TTC28: variants seen among roughly 807,000 people sequenced by gnomAD.
TTC28 encodes the protein tetratricopeptide repeat domain 28, also known as tetratricopeptide repeat protein 28.
In TTC28, 61 loss-of-function variants were observed where a neutral mutation model predicts 198.0. The ratio of observed to expected loss-of-function variants is 0.31; its 90% confidence interval spans 0.25 to 0.38. The LOEUF is 0.38. TTC28 is among the 10% of genes least tolerant of loss of function. The pLI, the probability that TTC28 is intolerant of heterozygous loss-of-function variation, is 1.00. For synonymous variants in TTC28, 1,171 were observed against 1,297.8 expected, an observed-to-expected ratio of 0.90 and a Z score of 2.10; for missense variants, 2,678 against 3,164.0, an observed-to-expected ratio of 0.85 and a Z score of 3.69.
At chr22:28,066,276 G>A (rs751694031) in intron 12 of TTC28, among the ~76,000 whole-genome samples, 7 of 87,902 alleles carry the variant, frequency 8.0e-5, no homozygotes, top group South Asian at 4.0e-4. Context: ...CCTAGTTACC[G>A]TGTGTGTGTG....
At chr22:28,462,611 A>C (rs1327613305) in intron 2 of TTC28, among the ~76,000 whole-genome samples, 3 of 152,216 alleles carry the variant, frequency 2.0e-5, no homozygotes, top group Non-Finnish European at 4.4e-5. Context: ...AAGAAATTTC[A>C]AGAAGTTACT....
chr22:28,641,793 T>G (rs763787620), intron 1 of TTC28, among the ~76,000 whole-genome samples: 1 of 152,090 alleles, frequency 6.6e-6, no homozygotes, highest in African/African-American at 2.4e-5. Flanking sequence ...CAGGAGGGAA[T>G]GAATAATACT....
In TTC28 at chr22:28,105,047, T is replaced by C. The variant is rs1942255056; in HGVS notation, c.3307+232A>G. Reference sequence around the variant, plus strand: ...CACTGAGAGAGTAAGACAATCTGGGTCCGAGAGAGCAGGGCAAGGTGCTAT... The same window carrying C: ...CACTGAGAGAGTAAGACAATCTGGGCCCGAGAGAGCAGGGCAAGGTGCTAT... On this transcript the variant is annotated intron_variant, in intron 8 of 22. Transcript: ENST00000397906. 2.0e-5 allele frequency among the ~76,000 whole-genome samples: 3 copies of C among 151,976 alleles called. No individual in the cohort carries two copies. The South Asian group carries it at 6.2e-4, about 32-fold the overall frequency.
At chr22:28,316,325 A>G (rs2045350766) in intron 2 of TTC28, among the ~76,000 whole-genome samples, 1 of 152,106 alleles carries the variant, frequency 6.6e-6, no homozygotes, top group South Asian at 2.1e-4. Flanking sequence ...CTCCTCTCTC[A>G]TTACATTGTG....
intron 12 of TTC28, among the ~76,000 whole-genome samples, chr22:28,060,617 T>C (rs1382331793): frequency 1.3e-5 from 2 of 152,246 alleles, no homozygotes; most frequent in Non-Finnish European, 2.9e-5. Context: ...TACCCAGTAA[T>C]GGGATGGCTG....
intron 5 of TTC28, among the ~76,000 whole-genome samples, chr22:28,180,397 T>C (rs185718028): frequency 3.3e-5 from 5 of 152,296 alleles, no homozygotes; most frequent in African/African-American, 7.2e-5. Context: ...ACAAGGATGA[T>C]GGAAAAATTT....
At chr22:28,015,106 G>A (rs919041431) in intron 13 of TTC28, among the ~76,000 whole-genome samples, 3 of 152,252 alleles carry the variant, frequency 2.0e-5, no homozygotes, top group Admixed American at 6.5e-5. Flanking sequence ...AGCATTCACT[G>A]ATTCATTCAT....
chr22:28,031,525 C>T (rs1400202512), intron 12 of TTC28, among the ~76,000 whole-genome samples: 3 of 152,138 alleles, frequency 2.0e-5, no homozygotes, highest in Non-Finnish European at 4.4e-5. Context: ...CCTCCTGTCG[C>T]TGAGAAGAAT....
chr22:28,136,892 G>A (rs540846474), intron 6 of TTC28, among the ~76,000 whole-genome samples: 3 of 152,168 alleles, frequency 2.0e-5, no homozygotes, highest in South Asian at 2.1e-4. Flanking sequence ...TGTCTTTGCC[G>A]AGGAAGCTGG....
chr22:28,425,373 C>G (rs1477362041), intron 2 of TTC28, among the ~76,000 whole-genome samples: 1 of 152,166 alleles, frequency 6.6e-6, no homozygotes, highest in East Asian at 1.9e-4. Context: ...GGCTAAATGC[C>G]TTTTACAAGT....
chr22:27,996,167 C>T lies in TTC28; in HGVS notation c.5212G>A (p.Ala1738Thr), dbSNP rs751811740. 6.4e-7 allele frequency: 1 copy of T among 1,550,946 alleles called. No homozygotes were observed. Among genetic ancestry groups the T allele is most frequent in the South Asian group, 1.2e-5 (1 of 84,068 alleles). ...LTEILQHPER[A>T]RDALRVLLHL... ...AGCAGCACTCGCAGGGCGTCCCGCG[C>T]ACGCTCCGGGTGCTGCAGGATCTCT... The change falls in exon 17 of 23, where the codon GCG becomes ACG. Residue 1738 changes from alanine (A) to threonine (T), a missense_variant. Ala to Thr is a moderately conservative substitution (Grantham distance 58, BLOSUM62 0). This residue lies in a region of TTC28 where 314 missense variants were observed against 442.7 expected (regional missense o/e 0.71). Coordinates refer to ENST00000397906, the MANE Select transcript of TTC28 (RefSeq NM_001145418.2).
intron 5 of TTC28, among the ~76,000 whole-genome samples, chr22:28,270,791 C>G (rs1932015669): frequency 6.6e-6 from 1 of 152,090 alleles, no homozygotes; most frequent in Non-Finnish European, 1.5e-5. Flanking sequence ...CCCAGCTACT[C>G]AGGAGGCTAA....
intron 2 of TTC28, among the ~76,000 whole-genome samples, chr22:28,396,958 G>C (rs560903914): frequency 6.6e-6 from 1 of 152,234 alleles, no homozygotes; most frequent in East Asian, 1.9e-4. Flanking sequence ...TTATTCCTCT[G>C]TACACAATGA....
At chr22:28,100,979 C>T (rs1942129510) in intron 9 of TTC28, among the ~76,000 whole-genome samples, 192 bp downstream of exon 9, 1 of 152,172 alleles carries the variant, frequency 6.6e-6, no homozygotes, top group African/African-American at 2.4e-5. Flanking sequence ...AGAAATCTAT[C>T]ACATGAGTGA....
intron 2 of TTC28, among the ~76,000 whole-genome samples, chr22:28,578,998 C>A (rs890513917): frequency 3.3e-5 from 5 of 151,800 alleles, no homozygotes; most frequent in Non-Finnish European, 7.4e-5. Context: ...CCTGGGCAAA[C>A]ATATATATGC....
At chr22:28,279,086 T>C (rs915082451) in intron 5 of TTC28, among the ~76,000 whole-genome samples, 2 of 152,222 alleles carry the variant, frequency 1.3e-5, no homozygotes, top group Non-Finnish European at 2.9e-5. Context: ...TCTAAAATTT[T>C]ATTGTGAAAA....
At position 27,999,109 on chromosome 22, in the gene TTC28, A is replaced by T. The variant is rs924480667; in HGVS notation, c.4550T>A (p.Leu1517Gln). The stretch of plus-strand genomic sequence containing the variant: ...GCCCACTAGGGGCTGGCAGCCCAGC[A>T]GCTCGGACACCATGTAGGCCTCTTC... ...AEEEAYMVSE[L>Q]LGCQPLVGSV... is the part of the protein sequence containing the mutation. Residue 1517 changes from leucine to glutamine, a missense_variant, in exon 16 of 23, where the codon CTG becomes CAG. By Grantham distance (113) the Leu-to-Gln change is moderately radical. Around this residue, in one of 8 missense-constraint regions of TTC28, gnomAD observed 727 missense variants for 861.9 expected, o/e 0.84. Transcript: ENST00000397906. 2 of 1,550,528 alleles carry T rather than the reference A, an allele frequency of 1.3e-6. No individual in the cohort carries two copies. The highest frequency in any genetic ancestry group is 2.7e-5 in the African/African-American group (2 of 73,078).
intron 5 of TTC28, among the ~76,000 whole-genome samples, chr22:28,172,612 T>C (rs1922790217): frequency 6.6e-6 from 1 of 152,200 alleles, no homozygotes; most frequent in South Asian, 2.1e-4. Flanking sequence ...ATTTGGGCAT[T>C]TCCCCTCTGG....
intron 2 of TTC28, among the ~76,000 whole-genome samples, chr22:28,474,748 T>C (rs928788886): frequency 2.0e-5 from 3 of 152,202 alleles, no homozygotes; most frequent in Non-Finnish European, 4.4e-5. Context: ...GCATAGTCAA[T>C]TGGCCCTGCC....
Sources: gnomAD v4.1 joint callset for allele counts (sites outside exome capture counted in the v4.1 genomes callset) on GRCh38, gnomAD v4.1.1 for gene constraint, gnomAD v4.1.1 regional missense constraint, MANE v1.5 for transcripts, NCBI Gene and HGNC (gene_info 2026-07-23, HGNC 2026-07-21) for gene names.